Variants in NKAIN3 observed in about 807,000 individuals in gnomAD.
NKAIN3 encodes sodium/potassium-transporting ATPase subunit beta-1-interacting protein 3.
NKAIN3 carries 25 observed loss-of-function variants against 30.2 expected under a neutral mutation model. The ratio of observed to expected loss-of-function variants is 0.83; its 90% CI spans 0.60 to 1.16. The LOEUF is 1.16. Ranked by LOEUF, NKAIN3 falls within the 50% of genes most tolerant of loss-of-function variation. The pLI is 0.00. For missense variants in NKAIN3, 225 were observed against 254.1 expected (o/e 0.89, Z 0.78); for synonymous variants, 91 against 89.6 (o/e 1.02, Z -0.09).
chr8:62,878,327 A>G (rs1261830026), intron 4 of NKAIN3, among the ~76,000 whole-genome samples: 2 of 152,078 alleles, frequency 1.3e-5, no homozygotes, highest in Admixed American at 6.6e-5. Context: ...ATCAATTACT[A>G]TGTCCCCTCA....
intron 1 of NKAIN3, among the ~76,000 whole-genome samples, chr8:62,324,228 A>T (rs1023608227): frequency 6.6e-6 from 1 of 152,158 alleles, no homozygotes; most frequent in Admixed American, 6.6e-5. Context: ...GAGAGGATAT[A>T]TAGGAACTCT....
At chr8:62,454,093 T>C (rs1437417374) in intron 1 of NKAIN3, among the ~76,000 whole-genome samples, 1 of 151,940 alleles carries the variant, frequency 6.6e-6, no homozygotes, top group Non-Finnish European at 1.5e-5. Context: ...GGTTCAGATA[T>C]GGCATGACTT....
intron 3 of NKAIN3, among the ~76,000 whole-genome samples, chr8:62,689,554 T>C (rs1813898838): frequency 6.6e-6 from 1 of 152,180 alleles, no homozygotes; most frequent in African/African-American, 2.4e-5. Context: ...AAAGTTGTAC[T>C]GATGTATCAG....
intron 1 of NKAIN3, among the ~76,000 whole-genome samples, chr8:62,423,247 AATATT>A (rs755591436): frequency 6.6e-6 from 1 of 152,042 alleles, no homozygotes; most frequent in Non-Finnish European, 1.5e-5. Context: ...GGATAGCCTG[AATATT>A]TTAATAGGCA....
intron 3 of NKAIN3, among the ~76,000 whole-genome samples, chr8:62,656,475 C>CAAAG (rs1026705663): frequency 3.3e-4 from 50 of 151,002 alleles, no homozygotes; most frequent in Admixed American, 9.2e-4. Flanking sequence ...AATAAAAGAA[C>CAAAG]AAAGAAAGAA....
At chr8:62,634,179 T>C (rs939596621) in intron 3 of NKAIN3, among the ~76,000 whole-genome samples, 1 of 152,074 alleles carries the variant, frequency 6.6e-6, no homozygotes, top group Non-Finnish European at 1.5e-5. Flanking sequence ...AGGTTTTTTT[T>C]TTCCTCAGGA....
chr8:62,446,502 T>C (rs1477500113), intron 1 of NKAIN3, among the ~76,000 whole-genome samples: 2 of 152,148 alleles, frequency 1.3e-5, no homozygotes, highest in Admixed American at 1.3e-4. Context: ...CATTTTTAAG[T>C]GTACACTCCA....
chr8:62,801,711 C>T (rs574465181), intron 4 of NKAIN3, among the ~76,000 whole-genome samples: 12 of 152,326 alleles, frequency 7.9e-5, no homozygotes, highest in African/African-American at 2.4e-4. Context: ...GAGCAGAGCG[C>T]CTCTCCTCCT....
intron 5 of NKAIN3, among the ~76,000 whole-genome samples, chr8:62,949,954 T>C (rs1823236431): frequency 6.6e-6 from 1 of 152,200 alleles, no homozygotes; most frequent in African/African-American, 2.4e-5. Flanking sequence ...CCATACCTTT[T>C]CTATTTCTTT....
chr8:62,539,512 G>A (rs1808773020), intron 1 of NKAIN3, among the ~76,000 whole-genome samples: 1 of 152,122 alleles, frequency 6.6e-6, no homozygotes, highest in Admixed American at 6.5e-5. Flanking sequence ...AAAAGATTCA[G>A]AGTTTCTTCT....
rs150059206 is a variant in NKAIN3 at position 62,336,336 on chromosome 8, A to C, written c.54+87209A>C. On this transcript the variant is annotated intron_variant, in intron 1 of 6. Transcript: ENST00000623646. ...ATTTTGCCTGTTCATCTTTCTTGCCAGACTTTTGTGGATGTCCATTAAGTT... is the reference window on the plus strand; with the variant it reads ...ATTTTGCCTGTTCATCTTTCTTGCCCGACTTTTGTGGATGTCCATTAAGTT... Among the ~76,000 whole-genome samples, 523 of 152,194 alleles carry C rather than the reference A, an allele frequency of 3.4e-3. 1 individual carries two copies. The highest frequency in any genetic ancestry group is 0.012 in the African/African-American group (498 of 41,566).
At chr8:62,496,535 C>T (rs917654865) in intron 1 of NKAIN3, among the ~76,000 whole-genome samples, 5 of 152,152 alleles carry the variant, frequency 3.3e-5, no homozygotes, top group African/African-American at 1.2e-4. Context: ...CTGGTTAACA[C>T]ATAAAACTGC....
At chr8:62,265,414 A>G (rs1283668905) in intron 1 of NKAIN3, among the ~76,000 whole-genome samples, 1 of 152,190 alleles carries the variant, frequency 6.6e-6, no homozygotes, top group Non-Finnish European at 1.5e-5. Flanking sequence ...GATTGGGGAA[A>G]CTTTTGTCCA....
intron 1 of NKAIN3, among the ~76,000 whole-genome samples, chr8:62,513,701 C>T (rs1259859207): frequency 6.6e-6 from 1 of 151,276 alleles, no homozygotes. Flanking sequence ...AATCCCATCT[C>T]TACAAAAAAA....
intron 1 of NKAIN3, among the ~76,000 whole-genome samples, chr8:62,331,050 C>A (rs1815333872): frequency 6.8e-6 from 1 of 147,734 alleles, no homozygotes; most frequent in African/African-American, 2.5e-5. Context: ...CCCTCCTCTT[C>A]TACCTCCTCC....
At chr8:62,848,427 G>A (rs1405445106) in intron 4 of NKAIN3, among the ~76,000 whole-genome samples, 7 of 151,734 alleles carry the variant, frequency 4.6e-5, no homozygotes, top group South Asian at 4.2e-4. Context: ...TCCTTTTTGT[G>A]GCAATTGTGA....
intron 4 of NKAIN3, among the ~76,000 whole-genome samples, chr8:62,817,350 T>C (rs1354442573): frequency 6.6e-6 from 1 of 152,316 alleles, no homozygotes; most frequent in Admixed American, 6.5e-5. Context: ...GAGAGCTTCA[T>C]ATTGTGAACT....
intron 5 of NKAIN3, among the ~76,000 whole-genome samples, chr8:62,942,948 G>GA (rs745450113): frequency 6.6e-6 from 1 of 151,998 alleles, no homozygotes; most frequent in Non-Finnish European, 1.5e-5. Context: ...GATAATATTG[G>GA]AAAAACCCTT....
Position 62,589,794 on chromosome 8 carries a change from G to A in NKAIN3, c.273G>A (p.Lys91=), listed in dbSNP as rs1008366954. 4 of 1,578,206 alleles carry A rather than the reference G, an allele frequency of 2.5e-6. No homozygotes were observed. Among genetic ancestry groups the A allele is most frequent in the African/African-American group, 1.4e-5 (1 of 73,406 alleles). ...CFYLEVGGLS[K]DTDLMTFNIS... ...ATTTGGAAGTAGGTGGACTCTCAAAGGTGAGTTTATCATGCTTTTAAAGTA... is the reference window on the plus strand; with the variant it reads ...ATTTGGAAGTAGGTGGACTCTCAAAAGTGAGTTTATCATGCTTTTAAAGTA... Residue 91 remains lysine, a splice_region_variant and synonymous_variant, in exon 3 of 7, where the codon AAG becomes AAA. Transcript: ENST00000623646.
Sources: allele counts gnomAD v4.1 joint callset (sites outside exome capture counted in the v4.1 genomes callset), GRCh38; gene constraint gnomAD v4.1.1; transcripts MANE v1.5; gene names NCBI Gene and HGNC (gene_info 2026-07-23, HGNC 2026-07-21).